AGBL1: variants seen among roughly 807,000 people sequenced by gnomAD.
AGBL1 encodes the protein cytosolic carboxypeptidase 4.
A neutral mutation model predicts 118.9 loss-of-function variants in AGBL1; 130 were observed. The observed-to-expected ratio is 1.09, with a 90% CI of 0.95 to 1.26. The LOEUF is 1.26. AGBL1 is among the 50% of genes most tolerant of loss of function. AGBL1 has a pLI of 0.00. For synonymous variants in AGBL1, 555 were observed against 478.9 expected, an observed-to-expected ratio of 1.16 and a Z score of -2.08; for missense variants, 1,584 against 1,298.1, an observed-to-expected ratio of 1.22 and a Z score of -3.38.
Position 86,440,922 on chromosome 15 carries a change from G to C in AGBL1, c.2555+43376G>C, listed in dbSNP as rs981846983. ...AATCAGAATCAGGCATAGGAAACAG[G>C]CTCAAGAAACAAAAAGATCAAACAC... On this transcript the variant is annotated intron_variant, in intron 18 of 22. Coordinates refer to ENST00000614907, the MANE Select transcript of AGBL1 (RefSeq NM_001386094.1). Among the ~76,000 whole-genome samples, 9 of 152,168 alleles carry C rather than the reference G, an allele frequency of 5.9e-5. No individual in the cohort carries two copies. The South Asian group carries it at 1.5e-3, about 25-fold the overall frequency.
At chr15:86,397,248 G>A (rs964335742) in intron 17 of AGBL1, 118 bp from the exon 18 acceptor site, 2 of 744,898 alleles carry the variant, frequency 2.7e-6, no homozygotes, top group Admixed American at 3.7e-5. Context: ...AACCTACAAT[G>A]GAAAATGTAT....
intron 21 of AGBL1, among the ~76,000 whole-genome samples, chr15:86,601,856 C>T (rs184729869): frequency 6.6e-6 from 1 of 152,248 alleles, no homozygotes; most frequent in Non-Finnish European, 1.5e-5. Flanking sequence ...TGGAGACAGA[C>T]AGGATAAATA....
At chr15:86,268,067 A>G (rs572992945) in intron 13 of AGBL1, among the ~76,000 whole-genome samples, 94 of 152,336 alleles carry the variant, frequency 6.2e-4, no homozygotes, top group Non-Finnish European at 1.1e-3. Context: ...TACCTGGCGC[A>G]TGGTCAGCAC....
intron 1 of AGBL1, among the ~76,000 whole-genome samples, chr15:86,129,284 C>G (rs918002233): frequency 6.6e-6 from 1 of 152,026 alleles, no homozygotes; most frequent in Admixed American, 6.6e-5. Flanking sequence ...TGTGTGTGTG[C>G]GTTTGTGTGT....
intron 18 of AGBL1, among the ~76,000 whole-genome samples, chr15:86,473,983 T>A (rs1439043229): frequency 2.0e-5 from 3 of 152,154 alleles, no homozygotes; most frequent in Non-Finnish European, 1.5e-5. Context: ...TTCATAAGAA[T>A]GAATATGTGT....
At chr15:86,838,180 T>TA (rs36126026) in intron 22 of AGBL1, among the ~76,000 whole-genome samples, 30,330 of 146,014 alleles carry the variant, frequency 0.21, 3,190 homozygotes, top group East Asian at 0.36. Context: ...CTCTGTAACC[T>TA]AAAAAAAAAA....
chr15:86,460,546 G>C (rs974314259), intron 18 of AGBL1, among the ~76,000 whole-genome samples: 7 of 151,578 alleles, frequency 4.6e-5, no homozygotes, highest in African/African-American at 7.3e-5. Flanking sequence ...AAAAACAATG[G>C]TTCTTGTTAA....
At chr15:86,859,950 T>C (rs769587052) in intron 22 of AGBL1, among the ~76,000 whole-genome samples, 1 of 152,208 alleles carries the variant, frequency 6.6e-6, no homozygotes, top group African/African-American at 2.4e-5. Context: ...CCACTGAGGA[T>C]TGTTAGCCAG....
At chr15:86,180,058 TAGAG>T (rs140370224) in intron 5 of AGBL1, among the ~76,000 whole-genome samples, 46,757 of 151,582 alleles carry the variant, frequency 0.31, 8,693 homozygotes, top group Non-Finnish European at 0.42. Flanking sequence ...AAGACATAAA[TAGAG>T]AGATAACTAG....
chr15:86,464,767 G>T (rs1468721872), intron 18 of AGBL1, among the ~76,000 whole-genome samples: 1 of 152,154 alleles, frequency 6.6e-6, no homozygotes, highest in Non-Finnish European at 1.5e-5. Flanking sequence ...TGTTGAACCA[G>T]ACTTGCATCC....
intron 1 of AGBL1, among the ~76,000 whole-genome samples, chr15:86,126,966 C>T (rs1597429543): frequency 6.6e-6 from 1 of 152,242 alleles, no homozygotes; most frequent in Non-Finnish European, 1.5e-5. Context: ...TGTGGACCAG[C>T]TGGTCCAATG....
Position 86,264,481 on chromosome 15 carries a change from A to G in AGBL1, c.1310A>G (p.Asn437Ser), listed in dbSNP as rs1401967999. The G allele has an allele frequency of 6.2e-7, 1 of 1,614,024 alleles. No homozygotes were observed. The highest frequency in any genetic ancestry group is 8.5e-7 in the Non-Finnish European group (1 of 1,179,902). ...GGCTCCAAAAAAAATCCTGGAGTGA[A>G]CCTGTACCAAAATGTGCAATCCAAT... ...HLGSKKNPGVNLYQNVQSNSL... is the reference protein window; with the variant it reads ...HLGSKKNPGVSLYQNVQSNSL... Residue 437 changes from asparagine (N) to serine (S), a missense_variant, in exon 11 of 23, where the codon AAC becomes AGC. Transcript: ENST00000614907.
chr15:86,453,741 G>A (rs2142073719), intron 18 of AGBL1, among the ~76,000 whole-genome samples: 1 of 152,268 alleles, frequency 6.6e-6, no homozygotes, highest in African/African-American at 2.4e-5. Context: ...ATCTTTGGCA[G>A]CTACTGCCAA....
intron 17 of AGBL1, among the ~76,000 whole-genome samples, chr15:86,298,286 C>CTATATATATA (rs71460469): frequency 7.9e-5 from 5 of 63,092 alleles, no homozygotes; most frequent in African/African-American, 3.0e-4. Context: ...TATATGGTAA[C>CTATATATATA]TATATATATA....
At chr15:86,151,302 A>T (rs1244324556) in intron 3 of AGBL1, among the ~76,000 whole-genome samples, 2 of 47,362 alleles carry the variant, frequency 4.2e-5, no homozygotes, top group African/African-American at 8.0e-5. Flanking sequence ...AAGTGTAATT[A>T]AAAAAAAAAA....
At chr15:86,790,401 T>C (rs2078475140) in intron 22 of AGBL1, among the ~76,000 whole-genome samples, 1 of 151,702 alleles carries the variant, frequency 6.6e-6, no homozygotes, top group Admixed American at 6.6e-5. Context: ...CACACAGTCC[T>C]GTATCTTTTT....
chr15:86,863,494 A>T (rs1304300409), intron 22 of AGBL1, among the ~76,000 whole-genome samples: 1 of 152,068 alleles, frequency 6.6e-6, no homozygotes, highest in East Asian at 1.9e-4. Flanking sequence ...CTGCCTGAGA[A>T]AGCTCACCAC....
intron 17 of AGBL1, among the ~76,000 whole-genome samples, chr15:86,375,170 T>C (rs1197973330): frequency 6.6e-6 from 1 of 152,148 alleles, no homozygotes; most frequent in Non-Finnish European, 1.5e-5. Flanking sequence ...GGTGCTGTAT[T>C]AGCCATTCTC....
At chr15:86,800,187 G>A (rs182301929) in intron 22 of AGBL1, among the ~76,000 whole-genome samples, 314 of 151,798 alleles carry the variant, frequency 2.1e-3, no homozygotes, top group Non-Finnish European at 3.3e-3. Context: ...TTTTTTTGTC[G>A]TAGATCCTGG....
Sources: allele counts gnomAD v4.1 joint callset (sites outside exome capture counted in the v4.1 genomes callset), GRCh38; gene constraint gnomAD v4.1.1; transcripts MANE v1.5; gene names NCBI Gene and HGNC (gene_info 2026-07-23, HGNC 2026-07-21).